Variants in PPP2R5C observed in about 807,000 individuals in gnomAD.
PPP2R5C encodes the protein serine/threonine-protein phosphatase 2A 56 kDa regulatory subunit gamma isoform.
Under a neutral mutation model 68.9 loss-of-function variants are expected in PPP2R5C, and 7 were observed. The ratio of observed to expected loss-of-function variants is 0.10; its 90% CI spans 0.06 to 0.19. The LOEUF (loss-of-function observed/expected upper bound fraction) is 0.19. PPP2R5C is among the 10% of genes least tolerant of loss of function. PPP2R5C has a pLI of 1.00. For synonymous variants in PPP2R5C, 210 were observed against 222.2 expected (o/e 0.95, Z 0.49); for missense variants, 348 against 641.3 (o/e 0.54, Z 4.94).
At position 101,772,011 on chromosome 14, in the gene PPP2R5C, GC is replaced by G. The variant is rs768155504; in HGVS notation, c.93+9042del. On this transcript the variant is annotated intron_variant, in intron 2 of 14. Transcript: ENST00000328724. ...GCTCAGTAGCCACATGTGGCCAGCAGCTACTCTGTTGACCAGCAGATGTGGA... is the reference window on the plus strand; with the variant it reads ...GCTCAGTAGCCACATGTGGCCAGCAGTACTCTGTTGACCAGCAGATGTGGA... Among the ~76,000 whole-genome samples the G allele has an allele frequency of 9.0e-4, 137 of 152,290 alleles. No individual in the cohort carries two copies. In the Middle Eastern group the frequency reaches 0.014, roughly 15 times the overall value.
At position 101,828,989 on chromosome 14, in the gene PPP2R5C, T is replaced by C. The variant is rs561648170; in HGVS notation, c.94+18953T>C. Among the ~76,000 whole-genome samples, 30 of 152,336 alleles carry C rather than the reference T, an allele frequency of 2.0e-4. No homozygotes were observed. The East Asian group carries it at 4.6e-3, about 23-fold the overall frequency. Reference sequence around the variant, plus strand: ...CCACCGTGCCCAGCCTCAAAAGATATTCTTTTTCTTACCTCAAAAACTATG... The same window carrying C: ...CCACCGTGCCCAGCCTCAAAAGATACTCTTTTTCTTACCTCAAAAACTATG... On this transcript the variant is annotated intron_variant, in intron 1 of 13. Transcript: ENST00000334743.
intron 3 of PPP2R5C, among the ~76,000 whole-genome samples, chr14:101,792,512 C>A (rs2038405710): frequency 6.6e-6 from 1 of 152,220 alleles, no homozygotes; most frequent in Non-Finnish European, 1.5e-5. Context: ...ACTTGGTTAT[C>A]TTGAAATGGA....
chr14:101,802,951 T>TAAAAAAAAAAAA (rs571594853), intron 3 of PPP2R5C, among the ~76,000 whole-genome samples: 1 of 99,932 alleles, frequency 1.0e-5, no homozygotes, highest in Admixed American at 1.1e-4. Context: ...GGCTACTATT[T>TAAAAAAAAAAAA]AAAAAAAAAA....
chr14:101,772,170 A>G (rs1322777825), intron 2 of PPP2R5C, among the ~76,000 whole-genome samples: 2 of 152,166 alleles, frequency 1.3e-5, no homozygotes, highest in Non-Finnish European at 2.9e-5. Flanking sequence ...TCTTCTTAAT[A>G]TGAAATATCA....
At chr14:101,920,611 A>G (rs1486835336) in intron 13 of PPP2R5C, among the ~76,000 whole-genome samples, 1 of 152,246 alleles carries the variant, frequency 6.6e-6, no homozygotes, top group Non-Finnish European at 1.5e-5. Flanking sequence ...CGTGCTCTCC[A>G]TTAGAATCTC....
At chr14:101,814,988 A>G (rs929173342) in intron 1 of PPP2R5C, among the ~76,000 whole-genome samples, 1 of 152,156 alleles carries the variant, frequency 6.6e-6, no homozygotes. Flanking sequence ...ACCAAGTACG[A>G]GGTCCCGAAG....
At position 101,835,181 on chromosome 14, in the gene PPP2R5C, G is replaced by T. The variant is rs887211585; in HGVS notation, c.95-21505G>T. ...TGGGCTGCTCCTCATGGCGGTGGGA[G>T]CATGGGCTGCTCAGCTGGGGCCATC... On this transcript the variant is annotated intron_variant, in intron 1 of 13. Coordinates refer to ENST00000334743, the Ensembl canonical transcript of PPP2R5C. The surrounding 1 kb of genome is among the most constrained non-coding windows in gnomAD (Gnocchi z 5.0). Among the ~76,000 whole-genome samples the T allele has an allele frequency of 1.3e-5, 2 of 152,214 alleles. No individual in the cohort carries two copies. Among genetic ancestry groups the T allele is most frequent in the African/African-American group, 4.8e-5 (2 of 41,456 alleles).
intron 2 of PPP2R5C, among the ~76,000 whole-genome samples, chr14:101,867,110 G>A (rs376099047): frequency 6.6e-6 from 1 of 151,998 alleles, no homozygotes. Context: ...TCAGCTACTC[G>A]GGAGGCTGAG....
chr14:101,859,473 T>C (rs1041656423), intron 2 of PPP2R5C, among the ~76,000 whole-genome samples: 1 of 152,136 alleles, frequency 6.6e-6, no homozygotes, highest in Non-Finnish European at 1.5e-5. Flanking sequence ...TCCTTTCTGC[T>C]CTAAGTTCAG....
At chr14:101,923,028 CCT>C (rs2047098358) in intron 13 of PPP2R5C, among the ~76,000 whole-genome samples, 1 of 152,170 alleles carries the variant, frequency 6.6e-6, no homozygotes, top group Non-Finnish European at 1.5e-5. Flanking sequence ...AGAGAGGCCA[CCT>C]CTCTCTGACT....
chr14:101,856,981 G>T, intron 2 of PPP2R5C, 96 bp downstream of exon 4: 1 of 1,152,900 alleles, frequency 8.7e-7, no homozygotes, highest in Non-Finnish European at 1.2e-6. Context: ...CCCAGGAGAA[G>T]AATCCTCCTG....
chr14:101,923,076 T>G (rs1266357412), intron 13 of PPP2R5C, among the ~76,000 whole-genome samples: 1 of 152,232 alleles, frequency 6.6e-6, no homozygotes, highest in Non-Finnish European at 1.5e-5. Context: ...CCTGCCAGCA[T>G]GTTCACCTGC....
rs1243258964 is a variant in PPP2R5C, at chr14:101,917,733, T to TG, written c.1327-92dup. 5 of 1,544,342 alleles carry TG rather than the reference T, an allele frequency of 3.2e-6. No individual in the cohort carries two copies. Among genetic ancestry groups the TG allele is most frequent in the African/African-American group, 1.4e-5 (1 of 73,182 alleles). ...GTGGGCTTCCTGCGGGAGAGGGCCC[T>TG]GGGGGGCGGCAGGGGAGATGAGTCC... On this transcript the variant is annotated intron_variant, in intron 12 of 13. Coordinates refer to ENST00000334743, the Ensembl canonical transcript of PPP2R5C. The surrounding 1 kb of genome is among the most constrained non-coding windows in gnomAD (Gnocchi z 4.4).
At chr14:101,892,395 G>A (rs2474671) in intron 6 of PPP2R5C, among the ~76,000 whole-genome samples, 1 of 136,764 alleles carries the variant, frequency 7.3e-6, no homozygotes, top group Non-Finnish European at 1.6e-5. Flanking sequence ...GGTGGGGGGT[G>A]GGGGGGGTCC....
chr14:101,821,440 G>GTGT (rs1566869921), intron 1 of PPP2R5C, among the ~76,000 whole-genome samples: 74 of 132,108 alleles, frequency 5.6e-4, no homozygotes, highest in African/African-American at 1.9e-3. Flanking sequence ...CCCTGTGGGG[G>GTGT]GTGGGTGGGT....
chr14:101,798,398 G>A lies in PPP2R5C; in HGVS notation c.259+12215G>A, dbSNP rs1164343507. 6.6e-5 allele frequency among the ~76,000 whole-genome samples: 10 copies of A among 152,188 alleles called. No individual in the cohort carries two copies. In the South Asian group the frequency reaches 1.9e-3, roughly 28 times the overall value. On this transcript the variant is annotated intron_variant, in intron 3 of 14. Coordinates refer to the PPP2R5C transcript ENST00000328724. ...GAAATACTACCTAGAAATAAAATCA[G>A]TAGGATGTATTTACAGGTAGTTTGT...
chr14:101,925,615 T>G, exon 14 of PPP2R5C: 1 of 179,330 alleles, frequency 5.6e-6, no homozygotes, highest in Non-Finnish European at 1.2e-5. Flanking sequence ...TCTTTTAACA[T>G]AGGTGGTTCT....
chr14:101,915,531 G>T lies in PPP2R5C; in HGVS notation c.1327-2300G>T, dbSNP rs1394850765. 6.6e-6 allele frequency among the ~76,000 whole-genome samples: 1 copy of T among 152,222 alleles called. No homozygotes were observed. The highest frequency in any genetic ancestry group is 1.5e-5 in the Non-Finnish European group (1 of 68,042). On this transcript the variant is annotated intron_variant, in intron 12 of 13. Transcript: ENST00000334743. This position sits in a 1 kb window ranked among gnomAD's most constrained non-coding sequence, Gnocchi z 4.2. ...GAGAGCCGTGCTCCAAGCGGAGGCTGTTGGTGGGTCCCATGAAGAGCACTG... is the reference window on the plus strand; with the variant it reads ...GAGAGCCGTGCTCCAAGCGGAGGCTTTTGGTGGGTCCCATGAAGAGCACTG...
At chr14:101,833,992 G>C (rs2140357514) in intron 1 of PPP2R5C, among the ~76,000 whole-genome samples, 1 of 152,242 alleles carries the variant, frequency 6.6e-6, no homozygotes, top group East Asian at 1.9e-4. Flanking sequence ...TATTTTTGTA[G>C]AGATGGGGTT....
Sources: gnomAD v4.1 joint callset for allele counts (sites outside exome capture counted in the v4.1 genomes callset) on GRCh38, gnomAD v4.1.1 for gene constraint, Gnocchi (gnomAD v3.1) non-coding constraint, MANE v1.5 for transcripts, NCBI Gene and HGNC (gene_info 2026-07-23, HGNC 2026-07-21) for gene names.